Variants in PARD3B observed in about 807,000 individuals in gnomAD.
PARD3B encodes partitioning defective 3 homolog B.
Under a neutral mutation model 130.2 loss-of-function variants are expected in PARD3B, and 103 were observed. That is an observed-to-expected ratio of 0.79 (90% CI 0.67 to 0.93). PARD3B has a LOEUF of 0.93. Ranked by LOEUF, PARD3B falls within the 40% of genes least tolerant of loss-of-function variation. PARD3B has a pLI of 0.00. For synonymous variants in PARD3B, 583 were observed against 553.2 expected, an observed-to-expected ratio of 1.05 and a Z score of -0.76; for missense variants, 1,609 against 1,499.2, an observed-to-expected ratio of 1.07 and a Z score of -1.21.
At chr2:205,031,663 G>A (rs115414222) in intron 3 of PARD3B, among the ~76,000 whole-genome samples, 2,476 of 152,088 alleles carry the variant, frequency 0.016, 34 homozygotes, top group Non-Finnish European at 0.027. Context: ...TCTGTTTTAT[G>A]CTATTGAGCT....
intron 21 of PARD3B, among the ~76,000 whole-genome samples, chr2:205,526,161 A>G (rs2051327084): frequency 6.6e-6 from 1 of 152,270 alleles, no homozygotes; most frequent in South Asian, 2.1e-4. Flanking sequence ...ATTCTGTTTC[A>G]CAGTTTGTCC....
At chr2:205,383,867 G>A (rs1007111285) in intron 18 of PARD3B, among the ~76,000 whole-genome samples, 3 of 151,998 alleles carry the variant, frequency 2.0e-5, no homozygotes, top group African/African-American at 4.8e-5. Context: ...ATAGGTTGCC[G>A]TGTGAGTAGT....
intron 2 of PARD3B, among the ~76,000 whole-genome samples, chr2:204,899,350 T>A (rs2046775717): frequency 6.6e-6 from 1 of 151,832 alleles, no homozygotes; most frequent in Non-Finnish European, 1.5e-5. Context: ...TGCGCTGTTT[T>A]AATTTCTTGC....
At chr2:204,981,508 G>T (rs993069103) in intron 3 of PARD3B, among the ~76,000 whole-genome samples, 1 of 152,136 alleles carries the variant, frequency 6.6e-6, no homozygotes, top group African/African-American at 2.4e-5. Context: ...AAGTTGGTGG[G>T]CCAAGCATAT....
chr2:204,851,045 G>T (rs898899432), intron 2 of PARD3B, among the ~76,000 whole-genome samples: 3 of 152,152 alleles, frequency 2.0e-5, no homozygotes, highest in Non-Finnish European at 2.9e-5. Flanking sequence ...TGGGGAGAAT[G>T]CTTCTCAGGT....
At chr2:204,760,528 A>T (rs2040854260) in intron 2 of PARD3B, among the ~76,000 whole-genome samples, 1 of 152,064 alleles carries the variant, frequency 6.6e-6, no homozygotes, top group African/African-American at 2.4e-5. Flanking sequence ...TGGCTCCTGT[A>T]GTTTTTCTTT....
chr2:204,923,889 G>A (rs967737456), intron 2 of PARD3B, among the ~76,000 whole-genome samples: 2 of 152,020 alleles, frequency 1.3e-5, no homozygotes, highest in Non-Finnish European at 2.9e-5. Flanking sequence ...TGTTAAATTG[G>A]AAGTCAAATT....
At chr2:205,508,022 C>T (rs570688956) in intron 21 of PARD3B, among the ~76,000 whole-genome samples, 3 of 152,154 alleles carry the variant, frequency 2.0e-5, no homozygotes, top group Non-Finnish European at 2.9e-5. Context: ...CACCCCAGAA[C>T]GATCTGAGTA....
chr2:204,963,343 T>A (rs1199642660), intron 2 of PARD3B, among the ~76,000 whole-genome samples: 4 of 152,320 alleles, frequency 2.6e-5, no homozygotes, highest in Non-Finnish European at 5.9e-5. Flanking sequence ...GTATTATACT[T>A]CTAGTTGATG....
intron 20 of PARD3B, among the ~76,000 whole-genome samples, chr2:205,487,414 C>G (rs1469662447): frequency 6.6e-6 from 1 of 152,072 alleles, no homozygotes; most frequent in East Asian, 1.9e-4. Context: ...TCACTTTTCA[C>G]TATGCACTAT....
At chr2:205,383,121 T>TAGATAGATAGAGAGATAGATAGATAGAG (rs1553500394) in intron 18 of PARD3B, among the ~76,000 whole-genome samples, 2 of 150,744 alleles carry the variant, frequency 1.3e-5, no homozygotes, top group Non-Finnish European at 3.0e-5. Flanking sequence ...GATAGATAGA[T>TAGATAGATAGAGAGATAGATAGATAGAG]AGATAGATAG....
intron 1 of PARD3B, among the ~76,000 whole-genome samples, chr2:204,655,549 A>G (rs1351382098): frequency 6.6e-6 from 1 of 152,138 alleles, no homozygotes; most frequent in Non-Finnish European, 1.5e-5. Flanking sequence ...TACTTCATTC[A>G]TTACTATTCA....
At chr2:204,841,290 C>G (rs1267950941) in intron 2 of PARD3B, among the ~76,000 whole-genome samples, 3 of 152,010 alleles carry the variant, frequency 2.0e-5, no homozygotes, top group African/African-American at 2.4e-5. Context: ...CAAGGGTATC[C>G]TTGGGAAGGA....
rs1393225351 is a variant in PARD3B at position 205,183,807 on chromosome 2, G to A, written c.1925-1957G>A. ...TTATGATAAGGAATTGGCTCACATG[G>A]CCATGGAGACAGGCACATCCCAGGA... is the stretch of plus-strand genomic sequence containing the variant. On this transcript the variant is annotated intron_variant, in intron 13 of 22. Transcript: ENST00000406610. This position sits in a 1 kb window ranked among gnomAD's most constrained non-coding sequence, Gnocchi z 5.2. Among the ~76,000 whole-genome samples, 3 of 150,778 alleles carry A rather than the reference G, an allele frequency of 2.0e-5. No individual in the cohort carries two copies. In the East Asian group the frequency reaches 5.9e-4, roughly 29 times the overall value.
intron 18 of PARD3B, among the ~76,000 whole-genome samples, chr2:205,311,230 T>A (rs182055312): frequency 6.6e-6 from 1 of 152,326 alleles, no homozygotes; most frequent in Admixed American, 6.5e-5. Flanking sequence ...CTTTTTAAAT[T>A]TTTGAGTAAC....
At chr2:204,824,754 T>G (rs780563241) in intron 2 of PARD3B, among the ~76,000 whole-genome samples, 4 of 152,220 alleles carry the variant, frequency 2.6e-5, no homozygotes, top group Non-Finnish European at 5.9e-5. Context: ...TAAATATATT[T>G]CTATTTAGTT....
chr2:204,736,932 C>T (rs760151381), intron 2 of PARD3B, among the ~76,000 whole-genome samples: 1 of 152,120 alleles, frequency 6.6e-6, no homozygotes, highest in Admixed American at 6.6e-5. Flanking sequence ...ACATCCACAC[C>T]ATTATCTATT....
intron 20 of PARD3B, among the ~76,000 whole-genome samples, chr2:205,480,280 A>G (rs1043194921): frequency 6.6e-6 from 1 of 152,160 alleles, no homozygotes; most frequent in African/African-American, 2.4e-5. Context: ...TGTTTTCTCC[A>G]GAATACTCTT....
intron 20 of PARD3B, among the ~76,000 whole-genome samples, chr2:205,486,415 G>T (rs1169102412): frequency 6.6e-6 from 1 of 152,164 alleles, no homozygotes; most frequent in Non-Finnish European, 1.5e-5. Flanking sequence ...GAGCTAAGTA[G>T]ATGCTAACTT....
Sources: gnomAD v4.1 joint callset for allele counts (sites outside exome capture counted in the v4.1 genomes callset) on GRCh38, gnomAD v4.1.1 for gene constraint, Gnocchi (gnomAD v3.1) non-coding constraint, MANE v1.5 for transcripts, NCBI Gene and HGNC (gene_info 2026-07-23, HGNC 2026-07-21) for gene names.